The following FRMD4B variants were observed in gnomAD, a reference collection of about 807,000 sequenced individuals.
The protein encoded by FRMD4B is FERM domain-containing protein 4B.
FRMD4B carries 74 observed loss-of-function variants against 141.5 expected under a neutral mutation model. That is an observed-to-expected ratio of 0.52 (90% CI 0.43 to 0.63). The LOEUF (loss-of-function observed/expected upper bound fraction) is 0.63, where lower values mean the gene tolerates loss of function less well. FRMD4B is among the 30% of genes least tolerant of loss of function. The probability of loss-of-function intolerance (pLI) is 0.00; values close to 1 mark genes in which losing one functional copy is unlikely to be tolerated. For synonymous variants in FRMD4B, 506 were observed against 467.9 expected (o/e 1.08, Z -1.05); for missense variants, 1,366 against 1,253.4 (o/e 1.09, Z -1.36).
At position 69,299,035 on chromosome 3, in the gene FRMD4B, T is replaced by C. The variant is rs1037474906; in HGVS notation, c.416+3308A>G. Among the ~76,000 whole-genome samples the C allele has an allele frequency of 2.6e-5, 4 of 152,116 alleles. No individual in the cohort carries two copies. In the South Asian group the frequency reaches 6.2e-4, roughly 24 times the overall value. ...CAGATGAATGGACAAACTGTTATTATATAATGAATGCATTTGTTTATGTGT... is the reference window on the plus strand; with the variant it reads ...CAGATGAATGGACAAACTGTTATTACATAATGAATGCATTTGTTTATGTGT... On this transcript the variant is annotated intron_variant, in intron 4 of 22. Transcript: ENST00000398540.
At chr3:69,266,364 C>A (rs972816637) in intron 5 of FRMD4B, among the ~76,000 whole-genome samples, 1 of 152,100 alleles carries the variant, frequency 6.6e-6, no homozygotes, top group African/African-American at 2.4e-5. Context: ...AGCAGCCTGC[C>A]GCCCAGGCTG....
rs376564006 is a variant in FRMD4B at position 69,489,046 on chromosome 3, T to C, written c.-129+53160A>G. 3.3e-5 allele frequency among the ~76,000 whole-genome samples: 5 copies of C among 151,988 alleles called. No homozygotes were observed. The South Asian group carries it at 8.3e-4, about 25-fold the overall frequency. ...AGAAGGGTGATACATTGGACATCAT[T>C]GAAATTTTTTAAAATTTTGTGCTTC... is the stretch of plus-strand genomic sequence containing the variant. On this transcript the variant is annotated intron_variant, in intron 1 of 5. Transcript: ENST00000459638.
At chr3:69,539,763 T>A (rs1314963872) in intron 1 of FRMD4B, among the ~76,000 whole-genome samples, 2 of 152,222 alleles carry the variant, frequency 1.3e-5, no homozygotes, top group Non-Finnish European at 2.9e-5. Flanking sequence ...TACCATTCAG[T>A]AAGTCCTTGG....
At chr3:69,343,152 C>T (rs1702796892) in intron 1 of FRMD4B, among the ~76,000 whole-genome samples, 1 of 151,996 alleles carries the variant, frequency 6.6e-6, no homozygotes, top group African/African-American at 2.4e-5. Context: ...TAGGGTCTTG[C>T]TATGTTGTCC....
intron 1 of FRMD4B, among the ~76,000 whole-genome samples, chr3:69,483,043 C>G (rs973565344): frequency 6.6e-6 from 1 of 152,142 alleles, no homozygotes; most frequent in Non-Finnish European, 1.5e-5. Context: ...CTAGGAATAT[C>G]GGTCTTCCTT....
chr3:69,479,406 T>G (rs1706073599), intron 1 of FRMD4B, among the ~76,000 whole-genome samples: 1 of 152,138 alleles, frequency 6.6e-6, no homozygotes, highest in African/African-American at 2.4e-5. Context: ...GGCCTGGTGG[T>G]GACAAAATCT....
chr3:69,441,996 T>C (rs1234750411), intron 1 of FRMD4B, among the ~76,000 whole-genome samples: 1 of 152,192 alleles, frequency 6.6e-6, no homozygotes, highest in African/African-American at 2.4e-5. Flanking sequence ...AGCTATTAAG[T>C]TTATTTGCAT....
chr3:69,191,132 A>G (rs2092831073), intron 17 of FRMD4B, among the ~76,000 whole-genome samples: 1 of 152,180 alleles, frequency 6.6e-6, no homozygotes, highest in Non-Finnish European at 1.5e-5. Context: ...AATGTTAAAT[A>G]ATGTGGCCAG....
chr3:69,304,453 C>T (rs1701322566), intron 3 of FRMD4B, among the ~76,000 whole-genome samples: 1 of 139,890 alleles, frequency 7.1e-6, no homozygotes. Flanking sequence ...CACTACACTC[C>T]AGCTTGCACG....
At chr3:69,406,881 A>G (rs1045347713) in intron 2 of FRMD4B, among the ~76,000 whole-genome samples, 2 of 150,500 alleles carry the variant, frequency 1.3e-5, no homozygotes, top group Admixed American at 1.3e-4. Context: ...ACAGGTGTGT[A>G]CCACCACACC....
intron 3 of FRMD4B, among the ~76,000 whole-genome samples, chr3:69,310,880 C>G (rs1701564674): frequency 6.6e-6 from 1 of 152,182 alleles, no homozygotes; most frequent in South Asian, 2.1e-4. Context: ...TGCCTTTAAG[C>G]TCTCTTGCCA....
chr3:69,279,782 C>G (rs1454964495), intron 5 of FRMD4B, among the ~76,000 whole-genome samples: 1 of 89,044 alleles, frequency 1.1e-5, no homozygotes, highest in African/African-American at 4.7e-5. Flanking sequence ...CCCTCCTCCT[C>G]TCCTCCTCCT....
intron 1 of FRMD4B, among the ~76,000 whole-genome samples, chr3:69,323,610 A>ATGTG (rs1236629030): frequency 2.9e-3 from 33 of 11,382 alleles, no homozygotes; most frequent in African/African-American, 0.02. Flanking sequence ...CTCTCTGTGT[A>ATGTG]TATATATATA....
Position 69,451,355 on chromosome 3 carries a change from T to C in FRMD4B, c.-128-18594A>G, listed in dbSNP as rs1310856347. Among the ~76,000 whole-genome samples, 3 of 152,166 alleles carry C rather than the reference T, an allele frequency of 2.0e-5. No homozygotes were observed. The South Asian group carries it at 6.2e-4, about 32-fold the overall frequency. On this transcript the variant is annotated intron_variant, in intron 1 of 5. Coordinates refer to the FRMD4B transcript ENST00000459638. Reference sequence around the variant, plus strand: ...TGGCCTGGCAATGATCAGTGACTGATGGATGATAGCTGTAGGAAGTGCTGT... The same window carrying C: ...TGGCCTGGCAATGATCAGTGACTGACGGATGATAGCTGTAGGAAGTGCTGT...
intron 5 of FRMD4B, among the ~76,000 whole-genome samples, chr3:69,256,953 A>C (rs1033382697): frequency 6.6e-6 from 1 of 152,184 alleles, no homozygotes; most frequent in African/African-American, 2.4e-5. Context: ...CACAACTGAT[A>C]TTTTGAGTGA....
At chr3:69,473,593 G>T (rs1023344562) in intron 1 of FRMD4B, among the ~76,000 whole-genome samples, 19 of 151,934 alleles carry the variant, frequency 1.3e-4, no homozygotes, top group African/African-American at 4.6e-4. Context: ...AATCATCCAA[G>T]TATATATACT....
chr3:69,238,758 CA>C (rs1425363560), intron 7 of FRMD4B, among the ~76,000 whole-genome samples: 1 of 152,156 alleles, frequency 6.6e-6, no homozygotes, highest in Non-Finnish European at 1.5e-5. Flanking sequence ...GCACTCCAGC[CA>C]GGATAACAGA....
intron 3 of FRMD4B, among the ~76,000 whole-genome samples, chr3:69,308,178 A>G (rs1701455770): frequency 6.6e-6 from 1 of 152,108 alleles, no homozygotes; most frequent in African/African-American, 2.4e-5. Context: ...CCGGTGCTAT[A>G]TGCTCTGCCT....
Position 69,168,927 on chromosome 3 carries a change from CAT to C in FRMD4B, c.*2932_*2933del, listed in dbSNP as rs1236067210. On this transcript the variant is annotated 3_prime_UTR_variant, in exon 23 of 23. Coordinates refer to ENST00000398540, the MANE Select transcript of FRMD4B (RefSeq NM_015123.3). ...AATTTTAAAAATCCACCTTGTTAAA[CAT>C]ATATCTTTATGAGGTAGATCAGTAT... is the stretch of plus-strand genomic sequence containing the variant. Among the ~76,000 whole-genome samples, 1 of 152,006 alleles carries C rather than the reference CAT, an allele frequency of 6.6e-6. No homozygotes were observed. Among genetic ancestry groups the C allele is most frequent in the Non-Finnish European group, 1.5e-5 (1 of 68,010 alleles).
Sources: gnomAD v4.1 joint callset for allele counts (sites outside exome capture counted in the v4.1 genomes callset) on GRCh38, gnomAD v4.1.1 for gene constraint, MANE v1.5 for transcripts, NCBI Gene and HGNC (gene_info 2026-07-23, HGNC 2026-07-21) for gene names.